The following TRHDE variants were observed in gnomAD, a reference collection of about 807,000 sequenced individuals.
The protein encoded by TRHDE is thyrotropin-releasing hormone-degrading ectoenzyme.
A neutral mutation model predicts 125.7 loss-of-function variants in TRHDE; 72 were observed. The ratio of observed to expected loss-of-function variants is 0.57; its 90% CI spans 0.47 to 0.70. The LOEUF is 0.70. Ranked by LOEUF, TRHDE falls within the 30% of genes least tolerant of loss-of-function variation. TRHDE has a pLI of 0.00. For missense variants in TRHDE, 1,110 were observed against 1,327.1 expected (o/e 0.84, Z 2.54); for synonymous variants, 509 against 509.1 (o/e 1.00, Z 0.00).
chr12:72,203,816 G>A (rs982710100), intron 2 of TRHDE, among the ~76,000 whole-genome samples: 25 of 152,090 alleles, frequency 1.6e-4, no homozygotes, highest in Non-Finnish European at 3.7e-4. Context: ...GGATATCTCG[G>A]TTGCAAGTCT....
chr12:72,481,185 G>A (rs1877151854), intron 5 of TRHDE, among the ~76,000 whole-genome samples: 1 of 151,948 alleles, frequency 6.6e-6, no homozygotes, highest in East Asian at 1.9e-4. Context: ...TCATTTCTAA[G>A]CAAGGAGTGA....
At chr12:72,359,150 A>T (rs1424968836) in intron 2 of TRHDE, among the ~76,000 whole-genome samples, 1 of 150,072 alleles carries the variant, frequency 6.7e-6, no homozygotes, top group Non-Finnish European at 1.5e-5. Context: ...ACAAGTTATT[A>T]CTATAATTCA....
intron 3 of TRHDE, 87 bp downstream of exon 3, chr12:72,378,208 A>G (rs909321635): frequency 1.3e-5 from 16 of 1,248,032 alleles, no homozygotes; most frequent in African/African-American, 3.1e-5. Context: ...ATCCAGAAGC[A>G]TGAAAATTCT....
intron 2 of TRHDE, among the ~76,000 whole-genome samples, chr12:72,182,259 C>T (rs1022878361): frequency 6.6e-6 from 1 of 152,122 alleles, no homozygotes; most frequent in Admixed American, 6.5e-5. Flanking sequence ...GAGTAACTGT[C>T]CACAACAGGG....
chr12:72,395,412 G>C (rs1014630175), intron 3 of TRHDE, among the ~76,000 whole-genome samples: 1 of 151,988 alleles, frequency 6.6e-6, no homozygotes, highest in Non-Finnish European at 1.5e-5. Flanking sequence ...GTATCACCTT[G>C]AAACATCTTC....
intron 2 of TRHDE, among the ~76,000 whole-genome samples, chr12:72,323,564 C>T (rs1869196655): frequency 6.6e-6 from 1 of 152,052 alleles, no homozygotes; most frequent in Non-Finnish European, 1.5e-5. Flanking sequence ...TGACTCTACC[C>T]CCTCATCTCA....
intron 3 of TRHDE, among the ~76,000 whole-genome samples, chr12:72,434,954 A>G (rs552666300): frequency 6.6e-6 from 1 of 152,292 alleles, no homozygotes; most frequent in Non-Finnish European, 1.5e-5. Context: ...GGCAACTTTA[A>G]ATAGTTTAAA....
chr12:72,589,255 C>A (rs575516832), intron 12 of TRHDE, among the ~76,000 whole-genome samples: 6 of 152,244 alleles, frequency 3.9e-5, no homozygotes, highest in Admixed American at 3.9e-4. Flanking sequence ...TATGATCGAT[C>A]TGATTTGTAT....
At chr12:72,517,842 G>A (rs1245087716) in intron 6 of TRHDE, among the ~76,000 whole-genome samples, 1 of 151,744 alleles carries the variant, frequency 6.6e-6, no homozygotes, top group Admixed American at 6.6e-5. Context: ...CTGGTATGTT[G>A]TGTCTTTGTT....
intron 2 of TRHDE, among the ~76,000 whole-genome samples, chr12:72,231,525 G>A (rs1383662066): frequency 6.6e-6 from 1 of 152,122 alleles, no homozygotes; most frequent in Non-Finnish European, 1.5e-5. Flanking sequence ...CGCCTTAGCT[G>A]CTTTTGTGTT....
In TRHDE at chr12:72,542,287, A is replaced by G. The variant is rs776609942; in HGVS notation, c.1723-4A>G. The G allele has an allele frequency of 3.2e-5, 51 of 1,598,968 alleles. No individual in the cohort carries two copies. Among genetic ancestry groups the G allele is most frequent in the Non-Finnish European group, 4.4e-5 (51 of 1,170,752 alleles). On this transcript the variant is annotated splice_polypyrimidine_tract_variant and splice_region_variant and intron_variant, in intron 6 of 18. Transcript: ENST00000261180. ...TCTGTTCTTTTTATTATTCTTTCCT[A>G]TAGGGTGCTGCTTTAATAAGAATGC...
At chr12:72,517,705 G>C (rs1012827281) in intron 6 of TRHDE, among the ~76,000 whole-genome samples, 94 of 151,436 alleles carry the variant, frequency 6.2e-4, no homozygotes, top group South Asian at 5.0e-3. Context: ...TGTGTTTGCT[G>C]TTGCTTTTCT....
intron 10 of TRHDE, 133 bp downstream of exon 10, chr12:72,568,789 AC>A: frequency 1.9e-6 from 1 of 522,326 alleles, no homozygotes; most frequent in South Asian, 3.9e-5. Context: ...ATGATTATCA[AC>A]CCTATAAAAT....
intron 12 of TRHDE, chr12:72,610,872 A>G (rs1872609358): frequency 6.6e-6 from 1 of 152,430 alleles, no homozygotes; most frequent in African/African-American, 2.4e-5. Flanking sequence ...CTGGCATTGG[A>G]GCATGCCCAA....
chr12:72,427,764 G>A (rs1056622292), intron 3 of TRHDE, among the ~76,000 whole-genome samples: 3 of 152,254 alleles, frequency 2.0e-5, no homozygotes, highest in East Asian at 1.9e-4. Flanking sequence ...GATTGAGAGA[G>A]CCCTTTCTCT....
intron 2 of TRHDE, among the ~76,000 whole-genome samples, chr12:72,241,366 A>T (rs1384719528): frequency 6.6e-6 from 1 of 152,020 alleles, no homozygotes; most frequent in Non-Finnish European, 1.5e-5. Flanking sequence ...CTATCATTTC[A>T]TCTTTTTGTG....
intron 13 of TRHDE, among the ~76,000 whole-genome samples, chr12:72,620,338 C>CAAAAAAAAAAAAAAAA (rs3080963): frequency 3.0e-5 from 2 of 67,506 alleles, no homozygotes; most frequent in African/African-American, 4.2e-5. Context: ...CCCATCTCTA[C>CAAAAAAAAAAAAAAAA]AAAAAAAAAA....
intron 2 of TRHDE, among the ~76,000 whole-genome samples, chr12:72,119,968 T>C (rs1046158404): frequency 6.6e-6 from 1 of 152,166 alleles, no homozygotes; most frequent in African/African-American, 2.4e-5. Flanking sequence ...CCTTTTATTT[T>C]ATTCATTCAG....
chr12:72,341,103 C>T (rs943376381), intron 2 of TRHDE, among the ~76,000 whole-genome samples: 20 of 151,072 alleles, frequency 1.3e-4, no homozygotes, highest in African/African-American at 4.9e-4. Flanking sequence ...CCTCTTTTTT[C>T]TCATTCTATT....
Sources: gnomAD v4.1 joint callset for allele counts (sites outside exome capture counted in the v4.1 genomes callset) on GRCh38, gnomAD v4.1.1 for gene constraint, MANE v1.5 for transcripts, NCBI Gene and HGNC (gene_info 2026-07-23, HGNC 2026-07-21) for gene names.